Variants in PDCD1LG2 observed in about 807,000 individuals in gnomAD.
PDCD1LG2 encodes the protein B7 dendritic cell molecule.
Under a neutral mutation model 28.2 loss-of-function variants are expected in PDCD1LG2, and 32 were observed. The ratio of observed to expected loss-of-function variants is 1.13; its 90% CI spans 0.86 to 1.52. The LOEUF (loss-of-function observed/expected upper bound fraction) is 1.52. Among genes scored for constraint, PDCD1LG2 ranks in the 40% most tolerant of loss-of-function variants. The pLI is 0.00. For synonymous variants in PDCD1LG2, 116 were observed against 120.2 expected (o/e 0.97, Z 0.23); for missense variants, 385 against 323.8 (o/e 1.19, Z -1.45).
At chr9:5,567,607 AC>A (rs1173969891) in intron 6 of PDCD1LG2, among the ~76,000 whole-genome samples, 3 of 152,242 alleles carry the variant, frequency 2.0e-5, no homozygotes, top group Non-Finnish European at 4.4e-5. Flanking sequence ...ACAGATTATG[AC>A]ATTGGGGGCT....
In PDCD1LG2 at chr9:5,522,909, G is replaced by A. The variant is rs114225548; in HGVS notation, c.55+308G>A. On this transcript the variant is annotated intron_variant, in intron 2 of 6. Transcript: ENST00000397747. Reference sequence around the variant, plus strand: ...ATCTAAACTGATACAAGAGGGCAGGGGTTGAGTTCCCTTAAAGGTGAGATG... The same window carrying A: ...ATCTAAACTGATACAAGAGGGCAGGAGTTGAGTTCCCTTAAAGGTGAGATG... Among the ~76,000 whole-genome samples the A allele has an allele frequency of 9.2e-3, 1,398 of 152,248 alleles. 27 individuals are homozygous for A. The highest frequency in any genetic ancestry group is 0.032 in the African/African-American group (1,311 of 41,540).
intron 2 of PDCD1LG2, among the ~76,000 whole-genome samples, chr9:5,531,780 A>G (rs1820488532): frequency 6.6e-6 from 1 of 152,246 alleles, no homozygotes; most frequent in Non-Finnish European, 1.5e-5. Flanking sequence ...AGACTCAGCA[A>G]CTAACCTTCC....
intron 5 of PDCD1LG2, among the ~76,000 whole-genome samples, chr9:5,558,721 T>C (rs1586819073): frequency 6.6e-6 from 1 of 152,268 alleles, no homozygotes; most frequent in African/African-American, 2.4e-5. Flanking sequence ...TATGTGTGTA[T>C]GTATTCACTT....
chr9:5,529,461 T>A (rs979462530), intron 2 of PDCD1LG2, among the ~76,000 whole-genome samples: 1 of 152,218 alleles, frequency 6.6e-6, no homozygotes, highest in Admixed American at 6.5e-5. Flanking sequence ...CAATTAGTCA[T>A]ATTTATGTGG....
At chr9:5,546,722 A>C (rs892971423) in intron 3 of PDCD1LG2, among the ~76,000 whole-genome samples, 2 of 152,244 alleles carry the variant, frequency 1.3e-5, no homozygotes, top group African/African-American at 4.8e-5. Flanking sequence ...TGCATTACAA[A>C]ATAGTAATAT....
intron 1 of PDCD1LG2, among the ~76,000 whole-genome samples, chr9:5,516,849 C>T (rs901323556): frequency 6.6e-6 from 1 of 152,204 alleles, no homozygotes; most frequent in Non-Finnish European, 1.5e-5. Flanking sequence ...TGGGAGCAGG[C>T]ACTTTCAACC....
intron 4 of PDCD1LG2, 44 bp downstream of exon 4, chr9:5,549,648 G>C (rs1816287208): frequency 6.2e-7 from 1 of 1,604,240 alleles, no homozygotes; most frequent in Non-Finnish European, 8.5e-7. Flanking sequence ...TTAGGGTTCA[G>C]ACAAGAAACA....
At chr9:5,523,756 C>G (rs1586794941) in intron 2 of PDCD1LG2, among the ~76,000 whole-genome samples, 1 of 152,150 alleles carries the variant, frequency 6.6e-6, no homozygotes, top group Non-Finnish European at 1.5e-5. Flanking sequence ...GAAATGAGGG[C>G]CAAAAGACAC....
At chr9:5,553,078 C>T (rs1816369574) in intron 4 of PDCD1LG2, among the ~76,000 whole-genome samples, 3 of 151,986 alleles carry the variant, frequency 2.0e-5, no homozygotes, top group African/African-American at 7.3e-5. Context: ...TTGTACTCCA[C>T]TCCAGCCTGG....
At chr9:5,522,100 G>A (rs1192837448) in intron 1 of PDCD1LG2, among the ~76,000 whole-genome samples, 1 of 152,188 alleles carries the variant, frequency 6.6e-6, no homozygotes, top group Non-Finnish European at 1.5e-5. Context: ...TCTGTTCTAT[G>A]GAGTCTTATT....
rs1376264515 is a variant in PDCD1LG2, at chr9:5,570,404, G to C, written c.*445G>C. The C allele has an allele frequency of 5.8e-5, 14 of 241,066 alleles. No individual in the cohort carries two copies. Among genetic ancestry groups the C allele is most frequent in the Non-Finnish European group, 1.1e-4 (14 of 122,496 alleles). 14.9% of individuals were successfully genotyped at this position (241,066 alleles called of 1,614,324 possible). On this transcript the variant is annotated 3_prime_UTR_variant, in exon 7 of 7. Transcript: ENST00000397747. Reference sequence around the variant, plus strand: ...TATCTATAGCTTCCTCTGGGTACTAGAAGAGGCTATTGAGACTATGAGCTC... The same window carrying C: ...TATCTATAGCTTCCTCTGGGTACTACAAGAGGCTATTGAGACTATGAGCTC...
intron 1 of PDCD1LG2, among the ~76,000 whole-genome samples, chr9:5,512,778 C>T (rs1820086130): frequency 6.6e-6 from 1 of 152,154 alleles, no homozygotes; most frequent in South Asian, 2.1e-4. Context: ...CCTCTAAAAT[C>T]AGCTCCCCAT....
intron 6 of PDCD1LG2, among the ~76,000 whole-genome samples, chr9:5,564,147 G>C (rs990289766): frequency 3.3e-5 from 5 of 152,190 alleles, no homozygotes; most frequent in Admixed American, 3.3e-4. Flanking sequence ...ACAGAAGTAA[G>C]TAACCAACTA....
At chr9:5,548,699 GTA>G (rs1454600132) in intron 3 of PDCD1LG2, among the ~76,000 whole-genome samples, 1 of 152,136 alleles carries the variant, frequency 6.6e-6, no homozygotes, top group Non-Finnish European at 1.5e-5. Flanking sequence ...GTGTTTGTGT[GTA>G]TGTATCTGCA....
rs537084732 is a variant in PDCD1LG2, at chr9:5,533,360, C to G, written c.56-1385C>G. On this transcript the variant is annotated intron_variant, in intron 2 of 6. Transcript: ENST00000397747. ...GCTTTTTTTATAGAACTATTTAGAT[C>G]AATTCAACTTTTAAAAAATAAAGCC... Among the ~76,000 whole-genome samples the G allele has an allele frequency of 2.0e-5, 3 of 152,156 alleles. No individual in the cohort carries two copies. In the East Asian group the frequency reaches 5.8e-4, roughly 29 times the overall value.
chr9:5,547,275 T>C (rs1039301627), intron 3 of PDCD1LG2, among the ~76,000 whole-genome samples: 2 of 152,228 alleles, frequency 1.3e-5, no homozygotes, highest in South Asian at 2.1e-4. Flanking sequence ...CCTCTGCCTT[T>C]ACTTCAAGAC....
At chr9:5,530,473 CAAA>C (rs572807984) in intron 2 of PDCD1LG2, among the ~76,000 whole-genome samples, 2 of 100,328 alleles carry the variant, frequency 2.0e-5, no homozygotes, top group Admixed American at 1.0e-4. Context: ...TAGCATACAG[CAAA>C]AAAAAAAAAA....
At chr9:5,522,433 C>T in intron 1 of PDCD1LG2, 100 bp from the exon 2 acceptor site, 2 of 871,372 alleles carry the variant, frequency 2.3e-6, no homozygotes, top group African/African-American at 1.7e-5. Flanking sequence ...TGTCACCTTC[C>T]CCAAATGATT....
At chr9:5,536,936 C>G (rs1820591661) in intron 3 of PDCD1LG2, among the ~76,000 whole-genome samples, 1 of 152,232 alleles carries the variant, frequency 6.6e-6, no homozygotes, top group South Asian at 2.1e-4. Flanking sequence ...AAGCCTACCA[C>G]TCACTCATCA....
Sources: gnomAD v4.1 joint callset for allele counts (sites outside exome capture counted in the v4.1 genomes callset) on GRCh38, gnomAD v4.1.1 for gene constraint, MANE v1.5 for transcripts, NCBI Gene and HGNC (gene_info 2026-07-23, HGNC 2026-07-21) for gene names.